The following RGS9 variants were observed in gnomAD, a reference collection of about 807,000 sequenced individuals.
RGS9 encodes the protein regulator of G-protein signalling 9.
RGS9 carries 78 observed loss-of-function variants against 102.0 expected under a neutral mutation model. The ratio of observed to expected loss-of-function variants is 0.76; its 90% CI spans 0.64 to 0.92. The LOEUF (loss-of-function observed/expected upper bound fraction) is 0.92, where lower values mean the gene tolerates loss of function less well. Among genes scored for constraint, RGS9 ranks in the 40% least tolerant of loss-of-function variants. The probability of loss-of-function intolerance (pLI) is 0.00; values close to 1 mark genes in which losing one functional copy is unlikely to be tolerated. For missense variants in RGS9, 833 were observed against 866.1 expected, an observed-to-expected ratio of 0.96 and a Z score of 0.48; for synonymous variants, 353 against 318.6, an observed-to-expected ratio of 1.11 and a Z score of -1.15.
chr17:65,190,451 G>A (rs1331244012), intron 11 of RGS9, among the ~76,000 whole-genome samples: 1 of 152,184 alleles, frequency 6.6e-6, no homozygotes. Flanking sequence ...GCGTAGGTGA[G>A]GTTCTAGAAA....
intron 2 of RGS9, among the ~76,000 whole-genome samples, chr17:65,155,072 T>G (rs1478934257): frequency 2.0e-5 from 3 of 152,136 alleles, no homozygotes; most frequent in Non-Finnish European, 4.4e-5. Flanking sequence ...GGGAAGTAAT[T>G]GAAATGCTAT....
intron 6 of RGS9, 73 bp from the exon 7 acceptor site, chr17:65,162,940 T>TA (rs374113302): frequency 1.2e-5 from 10 of 821,960 alleles, no homozygotes; most frequent in African/African-American, 3.4e-5. Flanking sequence ...CTTGCTGACT[T>TA]AGAGTTTGTT....
intron 3 of RGS9, chr17:65,158,684 G>A: frequency 2.4e-6 from 1 of 421,434 alleles, no homozygotes; most frequent in Non-Finnish European, 4.4e-6. Context: ...CCTATAAGGG[G>A]ACACTAGCAA....
chr17:65,167,055 C>T lies in RGS9; in HGVS notation c.501-1145C>T, dbSNP rs150666265. On this transcript the variant is annotated intron_variant, in intron 7 of 18. Coordinates refer to ENST00000262406, the MANE Select transcript of RGS9 (RefSeq NM_003835.4). ...ATTAACAAGTGTGAGCGCGGGTCTC[C>T]GTGGAAATGGTACAGAAGGGGGCCC... Among the ~76,000 whole-genome samples, 155 of 152,106 alleles carry T rather than the reference C, an allele frequency of 1.0e-3. 1 individual carries two copies. Among genetic ancestry groups the T allele is most frequent in the African/African-American group, 3.5e-3 (146 of 41,464 alleles).
intron 14 of RGS9, among the ~76,000 whole-genome samples, chr17:65,202,857 C>T (rs984743826): frequency 2.0e-5 from 3 of 152,194 alleles, no homozygotes; most frequent in African/African-American, 7.2e-5. Flanking sequence ...GTGCTCCTGT[C>T]CTGCTGTGGT....
At chr17:65,175,113 G>C (rs1177453605) in intron 8 of RGS9, among the ~76,000 whole-genome samples, 2 of 151,860 alleles carry the variant, frequency 1.3e-5, no homozygotes, top group Non-Finnish European at 2.9e-5. Flanking sequence ...GTCAGGACAT[G>C]TGTGTATGTG....
At chr17:65,199,724 C>A (rs2144086509) in intron 13 of RGS9, among the ~76,000 whole-genome samples, 1 of 152,062 alleles carries the variant, frequency 6.6e-6, no homozygotes, top group Non-Finnish European at 1.5e-5. Context: ...AAACTCCTGA[C>A]CTCAGGTGAT....
chr17:65,210,474 G>A lies in RGS9; in HGVS notation c.1290-14G>A, dbSNP rs777400059. 28 of 1,612,690 alleles carry A rather than the reference G, an allele frequency of 1.7e-5. No homozygotes were observed. Among genetic ancestry groups the A allele is most frequent in the Non-Finnish European group, 2.3e-5 (27 of 1,179,888 alleles). ...GTCATTTTCCTCCAACCACCAATCT[G>A]TCCTTCCTTCCAGCTCCACCCTCCC... On this transcript the variant is annotated splice_polypyrimidine_tract_variant and intron_variant, in intron 16 of 18. Coordinates refer to ENST00000262406, the MANE Select transcript of RGS9 (RefSeq NM_003835.4).
chr17:65,188,923 T>C (rs1912245243), intron 9 of RGS9: 1 of 276,240 alleles, frequency 3.6e-6, no homozygotes, highest in Admixed American at 5.0e-5. Context: ...CCTTCCCCAT[T>C]TTTCTCTTAA....
chr17:65,222,290 T>C (rs1163189477), intron 17 of RGS9, among the ~76,000 whole-genome samples: 3 of 152,220 alleles, frequency 2.0e-5, no homozygotes, highest in Non-Finnish European at 4.4e-5. Flanking sequence ...CTCTGGCCTC[T>C]AGACTCAGAT....
intron 13 of RGS9, among the ~76,000 whole-genome samples, chr17:65,198,989 C>A (rs533155667): frequency 3.9e-5 from 6 of 152,242 alleles, no homozygotes; most frequent in African/African-American, 1.4e-4. Context: ...TATTATCTCC[C>A]CCCCACTAAT....
intron 1 of RGS9, among the ~76,000 whole-genome samples, chr17:65,142,283 A>G (rs1469041979): frequency 2.0e-5 from 3 of 152,152 alleles, no homozygotes; most frequent in Non-Finnish European, 4.4e-5. Flanking sequence ...ACAAACAAAC[A>G]AAAAGAAAAG....
At chr17:65,179,458 A>G (rs997482158) in intron 9 of RGS9, among the ~76,000 whole-genome samples, 5 of 151,820 alleles carry the variant, frequency 3.3e-5, no homozygotes, top group African/African-American at 9.7e-5. Context: ...ATCCTCGAGT[A>G]AAAGATTGAA....
At chr17:65,207,888 C>G (rs1280057342) in intron 15 of RGS9, 34 bp from the exon 16 acceptor site, 1 of 1,497,624 alleles carries the variant, frequency 6.7e-7, no homozygotes, top group Non-Finnish European at 9.3e-7. Flanking sequence ...GCTTTTTTCT[C>G]TCATAATTAC....
chr17:65,171,388 C>T (rs917428741), intron 8 of RGS9, among the ~76,000 whole-genome samples: 12 of 152,300 alleles, frequency 7.9e-5, no homozygotes, highest in Middle Eastern at 6.8e-3. Flanking sequence ...AATTGAGGCT[C>T]ATAGAGGTTC....
rs779896340 is a variant in RGS9, at chr17:65,173,003, AC to A, written c.582+4724del. ...AATGGCGTGATCTCAGCTCACTGCA[AC>A]CTTCGCCTCCTGGGTTCCAGCGATT... On this transcript the variant is annotated intron_variant, in intron 8 of 18. Transcript: ENST00000262406. This position sits in a 1 kb window ranked among gnomAD's most constrained non-coding sequence, Gnocchi z 4.8. 6.6e-6 allele frequency among the ~76,000 whole-genome samples: 1 copy of A among 151,554 alleles called. No homozygotes were observed. The highest frequency in any genetic ancestry group is 1.5e-5 in the Non-Finnish European group (1 of 67,932).
intron 8 of RGS9, among the ~76,000 whole-genome samples, chr17:65,177,325 C>T (rs983672338): frequency 4.0e-5 from 6 of 151,616 alleles, no homozygotes; most frequent in Non-Finnish European, 7.4e-5. Flanking sequence ...ATCTGTCTGG[C>T]CATCCATCCA....
chr17:65,223,752 C>CTTTTTTTTTTTTT (rs528795738), intron 17 of RGS9, among the ~76,000 whole-genome samples: 2 of 137,592 alleles, frequency 1.5e-5, no homozygotes, highest in Non-Finnish European at 3.2e-5. Flanking sequence ...TCATGCCAGG[C>CTTTTTTTTTTTTT]TTTTTTTTTT....
chr17:65,189,698 C>T (rs117344305), intron 10 of RGS9, among the ~76,000 whole-genome samples: 5,053 of 152,218 alleles, frequency 0.033, 115 homozygotes, highest in Non-Finnish European at 0.056. Flanking sequence ...GTCTGGGGCC[C>T]AAGACAGAGT....
Sources: allele counts gnomAD v4.1 joint callset (sites outside exome capture counted in the v4.1 genomes callset), GRCh38; gene constraint gnomAD v4.1.1; non-coding constraint Gnocchi (gnomAD v3.1); transcripts MANE v1.5; gene names NCBI Gene and HGNC (gene_info 2026-07-23, HGNC 2026-07-21).